The following NXN variants were observed in gnomAD, a reference collection of about 807,000 sequenced individuals.
NXN encodes the protein nucleoredoxin.
NXN carries 16 observed loss-of-function variants against 48.6 expected under a neutral mutation model. The ratio of observed to expected loss-of-function variants is 0.33; its 90% CI spans 0.22 to 0.50. NXN has a LOEUF of 0.50. Among genes scored for constraint, NXN ranks in the 20% least tolerant of loss-of-function variants. The pLI is 0.98. For synonymous variants in NXN, 281 were observed against 269.6 expected, an observed-to-expected ratio of 1.04 and a Z score of -0.41; for missense variants, 492 against 605.5, an observed-to-expected ratio of 0.81 and a Z score of 1.97.
chr17:857,389 T>C (rs1160690208), intron 1 of NXN, among the ~76,000 whole-genome samples: 1 of 152,042 alleles, frequency 6.6e-6, no homozygotes, highest in South Asian at 2.1e-4. Context: ...GCCTACCGAG[T>C]AGCTGGGACT....
chr17:831,791 C>T lies in NXN; in HGVS notation c.361-5713G>A, dbSNP rs1448711329. 5.3e-5 allele frequency among the ~76,000 whole-genome samples: 8 copies of T among 151,640 alleles called. No homozygotes were observed. The Middle Eastern group carries it at 0.01, about 193-fold the overall frequency. ...CTGGGATTATAGGCATGACCCACTG[C>T]GCCTGGCCTTCCATAACTTTTTGAT... On this transcript the variant is annotated intron_variant, in intron 1 of 7. Transcript: ENST00000336868.
chr17:960,047 G>A (rs1006283955), intron 1 of NXN, among the ~76,000 whole-genome samples: 1 of 151,906 alleles, frequency 6.6e-6, no homozygotes, highest in African/African-American at 2.4e-5. Flanking sequence ...AGCCGAGATT[G>A]CACCACTGCA....
intron 1 of NXN, chr17:863,874 A>T: frequency 1.7e-6 from 2 of 1,153,306 alleles, no homozygotes; most frequent in Non-Finnish European, 2.5e-6. Flanking sequence ...GAAAAAACAT[A>T]CCCACTGCTT....
chr17:878,010 C>G (rs1220780747), intron 1 of NXN: 22 of 152,266 alleles, frequency 1.4e-4, no homozygotes, highest in Admixed American at 1.4e-3. Flanking sequence ...TGGCAACAAA[C>G]TATTAGAAAT....
At chr17:879,254 G>GT (rs1308858414) in intron 1 of NXN, among the ~76,000 whole-genome samples, 3 of 144,652 alleles carry the variant, frequency 2.1e-5, no homozygotes, top group Non-Finnish European at 4.5e-5. Context: ...AGGAATCTGG[G>GT]TTTTTTTTGT....
intron 1 of NXN, among the ~76,000 whole-genome samples, chr17:859,175 T>A (rs533278855): frequency 4.6e-5 from 7 of 152,180 alleles, no homozygotes; most frequent in South Asian, 4.1e-4. Context: ...CCAGCTCTAG[T>A]TTGAAAATGA....
chr17:927,546 C>T (rs1270145445), intron 1 of NXN, among the ~76,000 whole-genome samples: 1 of 148,306 alleles, frequency 6.7e-6, no homozygotes, highest in Non-Finnish European at 1.5e-5. Context: ...CGCCATTGCA[C>T]TCCAGCCTGG....
chr17:827,006 G>A (rs1383434833), intron 1 of NXN, among the ~76,000 whole-genome samples: 2 of 152,230 alleles, frequency 1.3e-5, no homozygotes, highest in Non-Finnish European at 2.9e-5. Context: ...CGCCATATGG[G>A]CAGGTGACTG....
rs1199510394 is a variant in NXN, at chr17:849,804, CCAGGGA to C, written c.361-23732_361-23727del. 6.6e-6 allele frequency among the ~76,000 whole-genome samples: 1 copy of C among 152,080 alleles called. No individual in the cohort carries two copies. Among genetic ancestry groups the C allele is most frequent in the Non-Finnish European group, 1.5e-5 (1 of 68,008 alleles). On this transcript the variant is annotated intron_variant, in intron 1 of 7. Transcript: ENST00000336868. The surrounding 1 kb of genome is among the most constrained non-coding windows in gnomAD (Gnocchi z 4.2). ...GGCAGGCAGGGGTCGCCTTGCTGGG[CCAGGGA>C]CAGCAGAGAGAAATGGAGCTGACGG...
chr17:876,934 G>A (rs1236475111), intron 1 of NXN, among the ~76,000 whole-genome samples: 2 of 151,908 alleles, frequency 1.3e-5, no homozygotes, highest in South Asian at 2.1e-4. Context: ...TGTAATCCGA[G>A]CTACTCAGGA....
chr17:843,907 C>T (rs1028595935), intron 1 of NXN, among the ~76,000 whole-genome samples: 2 of 152,214 alleles, frequency 1.3e-5, no homozygotes, highest in Admixed American at 1.3e-4. Context: ...CTTTCCAGAA[C>T]CCGTGAGACT....
chr17:842,635 G>C (rs76721766), intron 1 of NXN: 1 of 895,062 alleles, frequency 1.1e-6, no homozygotes, highest in Non-Finnish European at 1.3e-6. Flanking sequence ...CTAAACTTCC[G>C]TTCAGAAAGT....
At chr17:863,889 A>C in intron 1 of NXN, 43 of 1,299,398 alleles carry the variant, frequency 3.3e-5, no homozygotes, top group South Asian at 3.8e-5. Context: ...CTGCTTACAC[A>C]GAGCTCTGTA....
intron 1 of NXN, among the ~76,000 whole-genome samples, chr17:936,786 T>C (rs1289288433): frequency 1.3e-5 from 2 of 149,720 alleles, no homozygotes; most frequent in South Asian, 2.2e-4. Context: ...ACAGAGGTAT[T>C]ACAGTTAAGT....
At position 825,780 on chromosome 17, in the gene NXN, T is replaced by C; in HGVS notation, c.478+181A>G. On this transcript the variant is annotated intron_variant, in intron 2 of 7. Transcript: ENST00000336868. The surrounding 1 kb of genome is among the most constrained non-coding windows in gnomAD (Gnocchi z 4.1). ...AGGGACATTCTGATCCCTGTGAAAA[T>C]CTTAAAACCATGTCCTAGGGAATAC... 3.5e-6 allele frequency: 2 copies of C among 574,326 alleles called. No individual in the cohort carries two copies. Among genetic ancestry groups the C allele is most frequent in the Non-Finnish European group, 3.1e-6 (1 of 320,434 alleles). The allele number at this position is 574,326 out of a possible 1,614,324, so 35.6% of individuals were successfully genotyped here.
chr17:942,119 T>C (rs1396953687), intron 1 of NXN, among the ~76,000 whole-genome samples: 71 of 93,192 alleles, frequency 7.6e-4, no homozygotes, highest in Non-Finnish European at 1.2e-3. Flanking sequence ...GATTCCAGGG[T>C]GCAGCCATGA....
chr17:899,752 C>T (rs1001129635), intron 1 of NXN, among the ~76,000 whole-genome samples: 9 of 151,890 alleles, frequency 5.9e-5, no homozygotes, highest in African/African-American at 1.7e-4. Flanking sequence ...AAGCTGGGGG[C>T]GGTGGTGCAC....
At chr17:925,129 G>A (rs935689728) in intron 1 of NXN, among the ~76,000 whole-genome samples, 148 of 151,988 alleles carry the variant, frequency 9.7e-4, no homozygotes, top group African/African-American at 3.0e-3. Context: ...TTGGTGTCTC[G>A]CAGAAGCACC....
chr17:965,048 T>C (rs1017040180), intron 1 of NXN, among the ~76,000 whole-genome samples: 1 of 152,204 alleles, frequency 6.6e-6, no homozygotes. Context: ...CTGCGCCTTC[T>C]GGACAAATGG....
Sources: gnomAD v4.1 joint callset for allele counts (sites outside exome capture counted in the v4.1 genomes callset) on GRCh38, gnomAD v4.1.1 for gene constraint, Gnocchi (gnomAD v3.1) non-coding constraint, MANE v1.5 for transcripts, NCBI Gene and HGNC (gene_info 2026-07-23, HGNC 2026-07-21) for gene names.